KCNH1: variants seen among roughly 807,000 people sequenced by gnomAD.
The protein encoded by KCNH1 is voltage-gated delayed rectifier potassium channel KCNH1.
A neutral mutation model predicts 69.2 loss-of-function variants in KCNH1; 27 were observed. The ratio of observed to expected loss-of-function variants is 0.39; its 90% CI spans 0.29 to 0.54. The LOEUF (loss-of-function observed/expected upper bound fraction) is 0.54, where lower values mean the gene tolerates loss of function less well. Among genes scored for constraint, KCNH1 ranks in the 20% least tolerant of loss-of-function variants. The pLI is 0.68. For missense variants in KCNH1, 798 were observed against 1,261.6 expected (o/e 0.63, Z 5.57); for synonymous variants, 456 against 487.7 (o/e 0.93, Z 0.86).
intron 6 of KCNH1, among the ~76,000 whole-genome samples, chr1:210,979,564 C>G (rs1357221510): frequency 6.6e-6 from 1 of 152,132 alleles, no homozygotes; most frequent in Non-Finnish European, 1.5e-5. Context: ...TTCTTCATAT[C>G]TGGATATGTT....
chr1:211,100,398 G>C (rs985406100), intron 3 of KCNH1, among the ~76,000 whole-genome samples: 1 of 152,044 alleles, frequency 6.6e-6, no homozygotes, highest in Non-Finnish European at 1.5e-5. Context: ...TGTCACCCAG[G>C]CTGAAGAGCA....
At chr1:210,777,206 CTT>C (rs576752232) in intron 9 of KCNH1, among the ~76,000 whole-genome samples, 134 of 152,282 alleles carry the variant, frequency 8.8e-4, no homozygotes, top group Non-Finnish European at 1.5e-3. Context: ...TAGAACTTGA[CTT>C]TACCTCAAAC....
intron 10 of KCNH1, among the ~76,000 whole-genome samples, chr1:210,700,355 A>C (rs1472251446): frequency 1.3e-5 from 2 of 152,122 alleles, no homozygotes; most frequent in African/African-American, 4.8e-5. Context: ...GGAGTGTCCG[A>C]GCCAGCTTCA....
chr1:210,945,669 T>G (rs1220318163), intron 6 of KCNH1, among the ~76,000 whole-genome samples: 1 of 152,194 alleles, frequency 6.6e-6, no homozygotes, highest in Non-Finnish European at 1.5e-5. Flanking sequence ...CACTGTCCCC[T>G]CAACTCAGTC....
At chr1:210,785,048 A>G (rs1000276551) in intron 9 of KCNH1, among the ~76,000 whole-genome samples, 2 of 152,346 alleles carry the variant, frequency 1.3e-5, no homozygotes, top group East Asian at 3.9e-4. Context: ...GATCATCTCT[A>G]TCTTCAAAGA....
intron 6 of KCNH1, among the ~76,000 whole-genome samples, chr1:211,001,471 C>T (rs894076465): frequency 6.6e-6 from 1 of 152,168 alleles, no homozygotes; most frequent in African/African-American, 2.4e-5. Flanking sequence ...GAGATACCAT[C>T]CCACACCAGT....
In KCNH1 at chr1:210,738,552, C is replaced by CTTTTTTTTTTTTTTTTTTT. The variant is rs57669878; in HGVS notation, c.2112+36777_2112+36795dup. ...CTGTATTCCTGGCTTGGCTTTTTTGCTTTTTTTTTTTTTTTTTTTTTTTTT... is the reference window on the plus strand; with the variant it reads ...CTGTATTCCTGGCTTGGCTTTTTTGCTTTTTTTTTTTTTTTTTTTTTTTTTTTTTTTTTTTTTTTTTTTT... On this transcript the variant is annotated intron_variant, in intron 10 of 10. Coordinates refer to ENST00000271751, the MANE Select transcript of KCNH1 (RefSeq NM_172362.3). Among the ~76,000 whole-genome samples the CTTTTTTTTTTTTTTTTTTT allele has an allele frequency of 6.1e-5, 3 of 49,150 alleles. No individual in the cohort carries two copies. In the East Asian group the frequency reaches 1.9e-3, roughly 31 times the overall value. 32.2% of individuals were successfully genotyped at this position (49,150 alleles called of 152,430 possible). A position where few individuals can be genotyped will look rare whatever the true frequency, so the allele number is the denominator to read the frequency against.
intron 10 of KCNH1, 85 bp downstream of exon 10, chr1:210,775,263 G>T: frequency 1.7e-6 from 2 of 1,167,920 alleles, no homozygotes; most frequent in Non-Finnish European, 1.2e-6. Context: ...TAAATAAACA[G>T]CAAAGGGACT....
At chr1:211,016,195 G>C (rs1353922468) in intron 6 of KCNH1, among the ~76,000 whole-genome samples, 1 of 152,076 alleles carries the variant, frequency 6.6e-6, no homozygotes, top group Non-Finnish European at 1.5e-5. Context: ...CAGTTTGTTT[G>C]GAAGGAGTTC....
chr1:211,082,735 C>A (rs749978874), intron 5 of KCNH1, 45 bp downstream of exon 5: 6 of 1,470,688 alleles, frequency 4.1e-6, no homozygotes, highest in Non-Finnish European at 3.8e-6. Context: ...AGCCCATGCA[C>A]CCCCTAAAAG....
intron 10 of KCNH1, among the ~76,000 whole-genome samples, chr1:210,770,331 C>A (rs1330273421): frequency 6.6e-6 from 1 of 152,138 alleles, no homozygotes; most frequent in Non-Finnish European, 1.5e-5. Context: ...ATGTAACAAA[C>A]CTGTACGTTC....
At chr1:210,759,261 G>A (rs895977050) in intron 10 of KCNH1, among the ~76,000 whole-genome samples, 3 of 151,778 alleles carry the variant, frequency 2.0e-5, no homozygotes, top group African/African-American at 7.3e-5. Context: ...AAAAAATCCA[G>A]AGTGTTATGT....
At chr1:210,860,727 G>T in intron 7 of KCNH1, 1 of 781,180 alleles carries the variant, frequency 1.3e-6, no homozygotes, top group South Asian at 1.4e-5. Flanking sequence ...GAAGGACAAT[G>T]GCAGCTTCCA....
At chr1:211,010,712 A>G (rs940041629) in intron 6 of KCNH1, among the ~76,000 whole-genome samples, 1 of 152,098 alleles carries the variant, frequency 6.6e-6, no homozygotes, top group African/African-American at 2.4e-5. Flanking sequence ...TGCCCCTCAC[A>G]TTCTCTGCCA....
chr1:210,752,443 C>G (rs1267695818), intron 10 of KCNH1, among the ~76,000 whole-genome samples: 1 of 152,206 alleles, frequency 6.6e-6, no homozygotes. Context: ...TTCTATGTAG[C>G]TGCGCTTCAT....
At chr1:210,761,810 A>G (rs746369870) in intron 10 of KCNH1, among the ~76,000 whole-genome samples, 3 of 152,170 alleles carry the variant, frequency 2.0e-5, no homozygotes, top group Non-Finnish European at 4.4e-5. Context: ...GGACTTCAAT[A>G]TCCCACTGAC....
At chr1:210,891,304 A>G (rs1686745321) in intron 7 of KCNH1, among the ~76,000 whole-genome samples, 1 of 152,136 alleles carries the variant, frequency 6.6e-6, no homozygotes, top group South Asian at 2.1e-4. Context: ...AAAACCAAAT[A>G]CCACATGTTC....
Position 210,682,076 on chromosome 1 carries a change from A to G in KCNH1, c.*1205T>C, listed in dbSNP as rs1681282949. On this transcript the variant is annotated 3_prime_UTR_variant, in exon 11 of 11. Coordinates refer to ENST00000271751, the MANE Select transcript of KCNH1 (RefSeq NM_172362.3). The stretch of plus-strand genomic sequence containing the variant: ...CACTTCTCTCCATCACCTTACAGAG[A>G]GCTGGAAACTCACTGCTTCATTCTC... 1 of 152,180 alleles carries G rather than the reference A, an allele frequency of 6.6e-6. No homozygotes were observed. Among genetic ancestry groups the G allele is most frequent in the Non-Finnish European group, 1.5e-5 (1 of 68,040 alleles). 9.4% of individuals were successfully genotyped at this position (152,180 alleles called of 1,614,324 possible).
chr1:210,748,130 A>G (rs1211770796), intron 10 of KCNH1, among the ~76,000 whole-genome samples: 1 of 152,288 alleles, frequency 6.6e-6, no homozygotes, highest in East Asian at 1.9e-4. Context: ...AGGGTGATGC[A>G]TCATGTGTCA....
Sources: gnomAD v4.1 joint callset for allele counts (sites outside exome capture counted in the v4.1 genomes callset) on GRCh38, gnomAD v4.1.1 for gene constraint, MANE v1.5 for transcripts, NCBI Gene and HGNC (gene_info 2026-07-23, HGNC 2026-07-21) for gene names.